The following BCKDHB variants were observed in gnomAD, a reference collection of about 807,000 sequenced individuals.
BCKDHB encodes the protein branched chain keto acid dehydrogenase E1 subunit beta, also known as 2-oxoisovalerate dehydrogenase subunit beta, mitochondrial.
In BCKDHB, 41 loss-of-function variants were observed where a neutral mutation model predicts 48.5. The ratio of observed to expected loss-of-function variants is 0.85; its 90% CI spans 0.66 to 1.10. BCKDHB has a LOEUF of 1.10. BCKDHB is among the 50% of genes least tolerant of loss of function. The pLI is 0.00. For missense variants in BCKDHB, 496 were observed against 494.2 expected, an observed-to-expected ratio of 1.00 and a Z score of -0.03; for synonymous variants, 201 against 174.8, an observed-to-expected ratio of 1.15 and a Z score of -1.18.
At chr6:80,296,773 G>C (rs1767280623) in intron 9 of BCKDHB, among the ~76,000 whole-genome samples, 1 of 152,008 alleles carries the variant, frequency 6.6e-6, no homozygotes, top group South Asian at 2.1e-4. Flanking sequence ...TTCACACACA[G>C]AATCTCTTTT....
rs398124601 is a variant in BCKDHB, at chr6:80,106,772, C to CCTGGCGCGGGG, written c.93_103dup (p.Phe35TrpfsTer41). The CCTGGCGCGGGG allele has an allele frequency of 6.9e-6, 11 of 1,589,242 alleles. No homozygotes were observed. Among genetic ancestry groups the CCTGGCGCGGGG allele is most frequent in the East Asian group, 2.3e-5 (1 of 43,386 alleles). The stretch of plus-strand genomic sequence containing the variant: ...GGCTGAGGGGCACTGGCGTCGGCTT[C>CCTGGCGCGGGG]CTGGCGCGGGGCTGGCGCGGGGCTT... On this transcript the variant is annotated frameshift_variant, in exon 1 of 10. Transcript: ENST00000320393. LOFTEE classifies it high-confidence loss of function.
the BCKDHB span, among the ~76,000 whole-genome samples, chr6:80,381,082 A>G: frequency 6.6e-6 from 1 of 152,120 alleles, no homozygotes; most frequent in East Asian, 1.9e-4. Context: ...GACATATAAA[A>G]TGATCTGGTA....
At chr6:80,122,574 C>T (rs1470620507) in intron 1 of BCKDHB, among the ~76,000 whole-genome samples, 1 of 152,130 alleles carries the variant, frequency 6.6e-6, no homozygotes, top group Non-Finnish European at 1.5e-5. Flanking sequence ...GACCATGATG[C>T]CCACCTGAGG....
intron 9 of BCKDHB, among the ~76,000 whole-genome samples, chr6:80,321,034 T>C (rs1768687805): frequency 6.6e-6 from 1 of 152,100 alleles, no homozygotes; most frequent in African/African-American, 2.4e-5. Context: ...ACACCCAGGA[T>C]AGATTCTATC....
the BCKDHB span, among the ~76,000 whole-genome samples, chr6:80,403,850 C>T: frequency 6.6e-6 from 1 of 151,748 alleles, no homozygotes; most frequent in Non-Finnish European, 1.5e-5. Context: ...GTTTCTTATC[C>T]TTCATTCTGT....
intron 3 of BCKDHB, among the ~76,000 whole-genome samples, chr6:80,148,983 A>G (rs1224973002): frequency 6.6e-6 from 1 of 152,212 alleles, no homozygotes; most frequent in Admixed American, 6.5e-5. Flanking sequence ...ATCTAATTAA[A>G]CTAAAGAGCT....
At chr6:80,419,330 G>T in the BCKDHB span, among the ~76,000 whole-genome samples, 3 of 152,186 alleles carry the variant, frequency 2.0e-5, no homozygotes, top group Non-Finnish European at 2.9e-5. Flanking sequence ...CAGCACAGAA[G>T]CTATGGTGTG....
At chr6:80,382,336 G>A in the BCKDHB span, among the ~76,000 whole-genome samples, 28 of 152,032 alleles carry the variant, frequency 1.8e-4, no homozygotes, top group Non-Finnish European at 3.5e-4. Context: ...AATAACAAAT[G>A]ACATTTGAAG....
At chr6:80,146,886 T>C (rs183087880) in intron 3 of BCKDHB, among the ~76,000 whole-genome samples, 1 of 152,314 alleles carries the variant, frequency 6.6e-6, no homozygotes, top group Admixed American at 6.5e-5. Flanking sequence ...CTGGGAAATG[T>C]AGTCTTTGTT....
chr6:80,411,810 G>A, the BCKDHB span, among the ~76,000 whole-genome samples: 10 of 152,244 alleles, frequency 6.6e-5, no homozygotes, highest in African/African-American at 2.4e-4. Flanking sequence ...CGGTTGCTAA[G>A]ACCATTGAAA....
At chr6:80,134,472 GGA>G (rs1770785638) in intron 3 of BCKDHB, among the ~76,000 whole-genome samples, 1 of 152,092 alleles carries the variant, frequency 6.6e-6, no homozygotes, top group Non-Finnish European at 1.5e-5. Context: ...TCAATATTTG[GGA>G]GTTGACTTTG....
the BCKDHB span, among the ~76,000 whole-genome samples, chr6:80,406,183 C>G: frequency 6.6e-6 from 1 of 152,178 alleles, no homozygotes; most frequent in Non-Finnish European, 1.5e-5. Flanking sequence ...GCGTAGTATT[C>G]CATGGTGTAT....
chr6:80,190,510 G>A (rs958947329), intron 6 of BCKDHB, among the ~76,000 whole-genome samples: 7 of 152,046 alleles, frequency 4.6e-5, no homozygotes, highest in Admixed American at 1.3e-4. Context: ...TTTCTCATCT[G>A]TAGCATTGGG....
chr6:80,324,185 TC>T (rs1317798303), intron 9 of BCKDHB, among the ~76,000 whole-genome samples: 21 of 152,176 alleles, frequency 1.4e-4, no homozygotes, highest in Non-Finnish European at 2.6e-4. Flanking sequence ...TAATAGCTAT[TC>T]AGCAGTGAGC....
At chr6:80,266,206 T>C (rs1307891586) in intron 8 of BCKDHB, among the ~76,000 whole-genome samples, 4 of 152,134 alleles carry the variant, frequency 2.6e-5, no homozygotes, top group Non-Finnish European at 5.9e-5. Context: ...CTTTTCTTCA[T>C]AGAAACAGAT....
the BCKDHB span, among the ~76,000 whole-genome samples, chr6:80,358,799 C>T: frequency 6.6e-6 from 1 of 152,208 alleles, no homozygotes; most frequent in Non-Finnish European, 1.5e-5. Context: ...GAGGTGGTGG[C>T]TGCAAAACAT....
chr6:80,360,606 G>A, the BCKDHB span, among the ~76,000 whole-genome samples: 1 of 152,206 alleles, frequency 6.6e-6, no homozygotes, highest in South Asian at 2.1e-4. Context: ...AGAAGAAATC[G>A]ACTGGTACAT....
chr6:80,363,762 T>C, the BCKDHB span, among the ~76,000 whole-genome samples: 1 of 152,192 alleles, frequency 6.6e-6, no homozygotes, highest in African/African-American at 2.4e-5. Context: ...TGTTTTACAG[T>C]TTTCTTTTAA....
At chr6:80,115,641 C>CT (rs760255958) in intron 1 of BCKDHB, among the ~76,000 whole-genome samples, 5,651 of 142,860 alleles carry the variant, frequency 0.04, 145 homozygotes, top group African/African-American at 0.073. Flanking sequence ...GCTGGGGTTT[C>CT]TTTTTTTTTT....
Sources: allele counts gnomAD v4.1 joint callset (sites outside exome capture counted in the v4.1 genomes callset), GRCh38; gene constraint gnomAD v4.1.1; transcripts MANE v1.5; gene names NCBI Gene and HGNC (gene_info 2026-07-23, HGNC 2026-07-21).